Variants in MTARC1 observed in about 807,000 individuals in gnomAD.
MTARC1 encodes mitochondrial amidoxime reducing component 1, also known as mitochondrial amidoxime-reducing component 1.
Under a neutral mutation model 33.6 loss-of-function variants are expected in MTARC1, and 24 were observed. The ratio of observed to expected loss-of-function variants is 0.72; its 90% CI spans 0.52 to 1.01. The LOEUF is 1.01. MTARC1 is among the 50% of genes least tolerant of loss of function. The pLI is 0.00. For synonymous variants in MTARC1, 187 were observed against 189.5 expected, an observed-to-expected ratio of 0.99 and a Z score of 0.11; for missense variants, 417 against 445.7, an observed-to-expected ratio of 0.94 and a Z score of 0.58.
intron 1 of MTARC1, among the ~76,000 whole-genome samples, chr1:220,787,712 G>A (rs1672278713): frequency 6.6e-6 from 1 of 152,074 alleles, no homozygotes; most frequent in African/African-American, 2.4e-5. Flanking sequence ...GAATACCTTC[G>A]GGCGCGGTGG....
intron 4 of MTARC1, 108 bp from the exon 5 acceptor site, chr1:220,804,944 A>G: frequency 1.7e-6 from 2 of 1,180,752 alleles, no homozygotes; most frequent in Non-Finnish European, 2.5e-6. Flanking sequence ...GGCTGCCATC[A>G]CTGATGTGGG....
chr1:220,792,816 A>T (rs949634845), intron 2 of MTARC1, among the ~76,000 whole-genome samples: 1 of 152,146 alleles, frequency 6.6e-6, no homozygotes, highest in Admixed American at 6.6e-5. Context: ...GTATTTTTTC[A>T]TATTGTTAAA....
chr1:220,804,741 A>T (rs1293053111), intron 4 of MTARC1, among the ~76,000 whole-genome samples: 2 of 14,744 alleles, frequency 1.4e-4, no homozygotes, highest in Non-Finnish European at 1.4e-4. Flanking sequence ...TGTGCACCCC[A>T]CCCCCCACCA....
intron 4 of MTARC1, among the ~76,000 whole-genome samples, chr1:220,801,380 G>A (rs903822074): frequency 9.2e-5 from 14 of 151,990 alleles, no homozygotes; most frequent in African/African-American, 3.1e-4. Flanking sequence ...CTAACAAGCC[G>A]TGTGTACTCA....
At chr1:220,795,047 C>T (rs1672563669) in intron 2 of MTARC1, among the ~76,000 whole-genome samples, 1 of 152,052 alleles carries the variant, frequency 6.6e-6, no homozygotes, top group South Asian at 2.1e-4. Context: ...ATACTATACT[C>T]AATATATTTT....
At position 220,803,915 on chromosome 1, in the gene MTARC1, C is replaced by G. The variant is rs143124939; in HGVS notation, c.754-1137C>G. Among the ~76,000 whole-genome samples, 312 of 152,214 alleles carry G rather than the reference C, an allele frequency of 2.0e-3. 3 individuals are homozygous for G. The highest frequency in any genetic ancestry group is 6.6e-3 in the African/African-American group (276 of 41,524). On this transcript the variant is annotated intron_variant, in intron 4 of 6. Coordinates refer to ENST00000366910, the MANE Select transcript of MTARC1 (RefSeq NM_022746.4). ...CTGTTGAAAATATGTGCTTGAGATC[C>G]ATTTTATGATTTACGATAGAACAAA...
chr1:220,787,162 C>A lies in MTARC1; in HGVS notation c.218C>A (p.Pro73Gln), dbSNP rs746016506. The part of the protein sequence containing the change: ...IYPVKSCKGV[P>Q]VSEAECTAMG... The stretch of plus-strand genomic sequence containing the variant: ...CCTGTGAAATCCTGCAAGGGGGTGC[C>A]GGTGAGCGAGGCGGAGTGCACGGCC... Residue 73 changes from proline to glutamine, a missense_variant, in exon 1 of 7, where the codon CCG becomes CAG. Physicochemically the swap from Pro to Gln is moderately conservative, Grantham distance 76. Transcript: ENST00000366910. 4 of 1,579,180 alleles carry A rather than the reference C, an allele frequency of 2.5e-6. No individual in the cohort carries two copies. The highest frequency in any genetic ancestry group is 2.3e-5 in the South Asian group (2 of 86,442).
rs547664012 is a variant in MTARC1 at position 220,797,894 on chromosome 1, C to T, written c.633C>T (p.Ser211=). 4 of 1,614,184 alleles carry T rather than the reference C, an allele frequency of 2.5e-6. No homozygotes were observed. In the African/African-American group the frequency reaches 5.3e-5, roughly 22 times the overall value. ...ATCAGATTGCTTACTCAGACACCAG[C>T]CCATTCTTGATCCTTTCTGAGGCGT... ...PKDQIAYSDT[S]PFLILSEASL... is the part of the protein sequence containing the mutation. The change falls in exon 4 of 7, where the codon AGC becomes AGT. Residue 211 remains serine, a synonymous_variant. Transcript: ENST00000366910.
At chr1:220,788,236 C>T (rs189559649) in intron 1 of MTARC1, among the ~76,000 whole-genome samples, 181 of 152,198 alleles carry the variant, frequency 1.2e-3, no homozygotes, top group Non-Finnish European at 2.1e-3. Flanking sequence ...TGGGGTTCAG[C>T]GAAGGCTGCA....
intron 4 of MTARC1, among the ~76,000 whole-genome samples, chr1:220,804,847 G>A (rs987211525): frequency 5.3e-5 from 8 of 152,118 alleles, no homozygotes; most frequent in Non-Finnish European, 1.0e-4. Flanking sequence ...CATCTCAGGG[G>A]AATCAACTGG....
chr1:220,803,812 A>G (rs1188071339), intron 4 of MTARC1, among the ~76,000 whole-genome samples: 1 of 151,642 alleles, frequency 6.6e-6, no homozygotes, highest in African/African-American at 2.4e-5. Flanking sequence ...TTTTTTTGTG[A>G]CCATAGTGCC....
At chr1:220,812,184 A>G (rs925770672) in intron 6 of MTARC1, among the ~76,000 whole-genome samples, 4 of 152,258 alleles carry the variant, frequency 2.6e-5, no homozygotes, top group Non-Finnish European at 5.9e-5. Context: ...AGTCAGTACA[A>G]TGCAAAGCAA....
At chr1:220,793,026 A>G (rs1450227323) in intron 2 of MTARC1, among the ~76,000 whole-genome samples, 1 of 152,194 alleles carries the variant, frequency 6.6e-6, no homozygotes, top group Non-Finnish European at 1.5e-5. Flanking sequence ...AAATTCTAGC[A>G]GTGGTTTTGC....
At chr1:220,807,513 G>A (rs936386237) in intron 6 of MTARC1, among the ~76,000 whole-genome samples, 1 of 152,202 alleles carries the variant, frequency 6.6e-6, no homozygotes, top group Non-Finnish European at 1.5e-5. Context: ...AATCCGAGAG[G>A]TGGAGGTTGT....
chr1:220,800,520 C>G (rs1672759325), intron 4 of MTARC1, among the ~76,000 whole-genome samples: 1 of 152,128 alleles, frequency 6.6e-6, no homozygotes, highest in Non-Finnish European at 1.5e-5. Flanking sequence ...CATGGGGCAC[C>G]CAGGGCTCTG....
chr1:220,798,029 C>T lies in MTARC1; in HGVS notation c.753+15C>T. 6.2e-7 allele frequency: 1 copy of T among 1,614,162 alleles called. No homozygotes were observed. Among genetic ancestry groups the T allele is most frequent in the Non-Finnish European group, 8.5e-7 (1 of 1,180,024 alleles). On this transcript the variant is annotated intron_variant, in intron 4 of 6. Transcript: ENST00000366910. ...TCTATGCAGAGGTAACACTATGCCCCTTTGGATCTTTCCTTGGATTTGACT... is the reference window on the plus strand; with the variant it reads ...TCTATGCAGAGGTAACACTATGCCCTTTTGGATCTTTCCTTGGATTTGACT...
intron 6 of MTARC1, among the ~76,000 whole-genome samples, chr1:220,806,375 G>A (rs1049480861): frequency 6.6e-6 from 1 of 152,168 alleles, no homozygotes; most frequent in African/African-American, 2.4e-5. Flanking sequence ...GCCTCCCCAG[G>A]TGTATCTTGT....
At position 220,798,002 on chromosome 1, in the gene MTARC1, T is replaced by A. The variant is rs748261279; in HGVS notation, c.741T>A (p.Asp247Glu). The A allele has an allele frequency of 6.2e-7, 1 of 1,614,244 alleles. No individual in the cohort carries two copies. The highest frequency in any genetic ancestry group is 1.7e-5 in the Admixed American group (1 of 60,028). The change falls in exon 4 of 7, where the codon GAT becomes GAA. Residue 247 changes from aspartate (D) to glutamate (E), a missense_variant. Asp to Glu is a conservative substitution (Grantham distance 45). Transcript: ENST00000366910. ...FRPNIVISGC[D>E]VYAEDSWDEL... is the part of the protein sequence containing the mutation. ...CCAATATTGTAATTTCAGGATGCGATGTCTATGCAGAGGTAACACTATGCC... is the reference window on the plus strand; with the variant it reads ...CCAATATTGTAATTTCAGGATGCGAAGTCTATGCAGAGGTAACACTATGCC...
In MTARC1 at chr1:220,810,246, T is replaced by C. The variant is rs72472352; in HGVS notation, c.888-3046T>C. On this transcript the variant is annotated intron_variant, in intron 6 of 6. Coordinates refer to ENST00000366910, the MANE Select transcript of MTARC1 (RefSeq NM_022746.4). ...AGAAGACCCATGTATGAAAGAATAC[T>C]GTTTCAGAGTGTTGAACTTAGTGTG... Among the ~76,000 whole-genome samples the C allele has an allele frequency of 5.1e-3, 781 of 152,348 alleles. 12 individuals are homozygous for C. The highest frequency in any genetic ancestry group is 0.05 in the East Asian group (257 of 5,176).
Sources: allele counts gnomAD v4.1 joint callset (sites outside exome capture counted in the v4.1 genomes callset), GRCh38; gene constraint gnomAD v4.1.1; transcripts MANE v1.5; gene names NCBI Gene and HGNC (gene_info 2026-07-23, HGNC 2026-07-21).